Variants in CDC42 observed in about 807,000 individuals in gnomAD.
CDC42 encodes the protein cell division control protein 42 homolog.
A neutral mutation model predicts 20.8 loss-of-function variants in CDC42; 1 was observed. The ratio of observed to expected loss-of-function variants is 0.05; its 90% CI spans 0.02 to 0.23. The LOEUF (loss-of-function observed/expected upper bound fraction) is 0.23, where lower values mean the gene tolerates loss of function less well. CDC42 is among the 10% of genes least tolerant of loss of function. The pLI, the probability that CDC42 is intolerant of heterozygous loss-of-function variation, is 1.00. For missense variants in CDC42, 49 were observed against 227.9 expected (o/e 0.21, Z 5.05); for synonymous variants, 72 against 84.8 (o/e 0.85, Z 0.83).
At chr1:22,076,249 C>G (rs1181177332) in intron 1 of CDC42, among the ~76,000 whole-genome samples, 1 of 152,104 alleles carries the variant, frequency 6.6e-6, no homozygotes, top group Non-Finnish European at 1.5e-5. Context: ...TACTTGAGGT[C>G]AGGAGTTCAA....
chr1:22,079,376 T>C (rs1244158091), intron 2 of CDC42, among the ~76,000 whole-genome samples: 1 of 151,982 alleles, frequency 6.6e-6, no homozygotes, highest in African/African-American at 2.4e-5. Flanking sequence ...TGACCTCAAA[T>C]GATCCACCTG....
At chr1:22,090,352 G>GT in intron 5 of CDC42, 1 of 1,056,530 alleles carries the variant, frequency 9.5e-7, no homozygotes. Context: ...AATAACAAGA[G>GT]TTTTAACACT....
At chr1:22,086,006 C>T (rs984436160) in intron 3 of CDC42, among the ~76,000 whole-genome samples, 4 of 152,072 alleles carry the variant, frequency 2.6e-5, no homozygotes, top group East Asian at 1.9e-4. Flanking sequence ...CCACCACACC[C>T]GGCTAATTTT....
At chr1:22,058,479 T>A (rs1046730054) in intron 1 of CDC42, among the ~76,000 whole-genome samples, 4 of 83,648 alleles carry the variant, frequency 4.8e-5, no homozygotes, top group African/African-American at 2.0e-4. Flanking sequence ...TAATGTGTTA[T>A]TTAAAGTTTT....
chr1:22,076,864 G>A (rs12038474), intron 1 of CDC42, among the ~76,000 whole-genome samples: 26,929 of 151,984 alleles, frequency 0.18, 2,954 homozygotes, highest in East Asian at 0.51. Flanking sequence ...AATATGGCTG[G>A]CTGCGGTGGC....
intron 1 of CDC42, among the ~76,000 whole-genome samples, chr1:22,058,341 C>T (rs1645326020): frequency 6.6e-6 from 1 of 152,138 alleles, no homozygotes; most frequent in African/African-American, 2.4e-5. Flanking sequence ...TTATTTTAGG[C>T]AGTGTACCAC....
rs926663599 is a variant in CDC42 at position 22,099,809 on chromosome 1, T to C, written c.*8292T>C. Among the ~76,000 whole-genome samples, 1 of 152,184 alleles carries C rather than the reference T, an allele frequency of 6.6e-6. No individual in the cohort carries two copies. The highest frequency in any genetic ancestry group is 1.5e-5 in the Non-Finnish European group (1 of 68,032). On this transcript the variant is annotated 3_prime_UTR_variant, in exon 6 of 6. Coordinates refer to ENST00000656825, the MANE Select transcript of CDC42 (RefSeq NM_001791.4). ...GTGTTTATTCTCTACATGGCACTCTTTTAAGCCTTTGTGTGAATTAACTCA... is the reference window on the plus strand; with the variant it reads ...GTGTTTATTCTCTACATGGCACTCTCTTAAGCCTTTGTGTGAATTAACTCA...
chr1:22,088,701 A>G (rs1037395433), intron 5 of CDC42, among the ~76,000 whole-genome samples: 9 of 152,130 alleles, frequency 5.9e-5, no homozygotes, highest in African/African-American at 2.2e-4. Context: ...TAAGGGATAC[A>G]CTCCAGTTTC....
At chr1:22,071,039 T>C (rs553225226) in intron 1 of CDC42, among the ~76,000 whole-genome samples, 5 of 54,668 alleles carry the variant, frequency 9.1e-5, no homozygotes, top group African/African-American at 4.7e-4. Context: ...TTTCTTTTTT[T>C]TTCTTTCTTT....
chr1:22,076,520 G>A (rs1283407004), intron 1 of CDC42, among the ~76,000 whole-genome samples: 1 of 152,142 alleles, frequency 6.6e-6, no homozygotes, highest in Non-Finnish European at 1.5e-5. Context: ...TGGCTGAATA[G>A]CCTTGGCTTA....
chr1:22,089,162 G>C (rs184861602), intron 5 of CDC42, among the ~76,000 whole-genome samples: 4 of 152,340 alleles, frequency 2.6e-5, no homozygotes, highest in Admixed American at 2.6e-4. Context: ...GATTTTAGGT[G>C]AGTCTGTAGA....
rs553106950 is a variant in CDC42 at position 22,081,910 on chromosome 1, G to A, written c.178+116G>A. 4.0e-4 allele frequency: 276 copies of A among 688,734 alleles called. 1 individual carries two copies. The highest frequency in any genetic ancestry group is 2.9e-3 in the Middle Eastern group (7 of 2,384). The allele number at this position is 688,734 out of a possible 1,614,324, so 42.7% of individuals were successfully genotyped here. ...GCAAAGTACTTGCCTTTTGTTATTA[G>A]TTAGCAGGATTGAATATAATGATTG... On this transcript the variant is annotated intron_variant, in intron 3 of 5. Coordinates refer to ENST00000656825, the MANE Select transcript of CDC42 (RefSeq NM_001791.4).
intron 1 of CDC42, among the ~76,000 whole-genome samples, chr1:22,069,704 T>C (rs1247299724): frequency 6.6e-6 from 1 of 150,382 alleles, no homozygotes; most frequent in Non-Finnish European, 1.5e-5. Flanking sequence ...TGGGCTCAAG[T>C]GATCCTCCTG....
In CDC42 at chr1:22,081,787, T is replaced by C. The variant is rs774711630; in HGVS notation, c.171T>C (p.Asp57=). 1 of 1,597,214 alleles carries C rather than the reference T, an allele frequency of 6.3e-7. No homozygotes were observed. The highest frequency in any genetic ancestry group is 8.6e-7 in the Non-Finnish European group (1 of 1,165,128). ...GGEPYTLGLF[D]TAGQEDYDRL... The stretch of plus-strand genomic sequence containing the variant: ...AACCATATACTCTTGGACTTTTTGA[T>C]ACTGCAGGTGAAAACTTAATGTCTT... Residue 57 remains aspartate (D), a synonymous_variant, in exon 3 of 6, where the codon GAT becomes GAC. Coordinates refer to ENST00000656825, the MANE Select transcript of CDC42 (RefSeq NM_001791.4).
chr1:22,073,840 G>A (rs1430705262), intron 1 of CDC42, among the ~76,000 whole-genome samples: 3 of 151,346 alleles, frequency 2.0e-5, no homozygotes, highest in African/African-American at 7.3e-5. Context: ...TTGTAGAGAT[G>A]GGGTCTCACT....
intron 5 of CDC42, chr1:22,090,460 G>A (rs1356958849): frequency 4.6e-5 from 46 of 995,166 alleles, no homozygotes; most frequent in Non-Finnish European, 5.4e-5. Context: ...TTATGGAAAA[G>A]GGGTGACCTA....
chr1:22,089,387 G>A (rs575728705), intron 5 of CDC42, among the ~76,000 whole-genome samples: 28 of 152,286 alleles, frequency 1.8e-4, no homozygotes, highest in South Asian at 4.1e-4. Context: ...GTTTTCTTAT[G>A]ACTTGGGTGG....
intron 1 of CDC42, among the ~76,000 whole-genome samples, chr1:22,069,422 C>T (rs1023402083): frequency 1.6e-4 from 24 of 151,732 alleles, no homozygotes; most frequent in Admixed American, 8.6e-4. Flanking sequence ...GTGATCTGCC[C>T]GCCTCAGCTT....
At chr1:22,060,255 T>C (rs1645348324) in intron 1 of CDC42, among the ~76,000 whole-genome samples, 2 of 152,054 alleles carry the variant, frequency 1.3e-5, no homozygotes, top group South Asian at 4.1e-4. Context: ...CGAGAATCGC[T>C]TGAACCTGGG....
Sources: allele counts gnomAD v4.1 joint callset (sites outside exome capture counted in the v4.1 genomes callset), GRCh38; gene constraint gnomAD v4.1.1; transcripts MANE v1.5; gene names NCBI Gene and HGNC (gene_info 2026-07-23, HGNC 2026-07-21).